AKAP3: variants seen among roughly 807,000 people sequenced by gnomAD.
AKAP3 encodes A-kinase anchoring protein 3, also known as A-kinase anchor protein 3.
A neutral mutation model predicts 57.2 loss-of-function variants in AKAP3; 27 were observed. That is an observed-to-expected ratio of 0.47 (90% CI 0.35 to 0.65). The LOEUF is 0.65. AKAP3 is among the 30% of genes least tolerant of loss of function. The pLI, the probability that AKAP3 is intolerant of heterozygous loss-of-function variation, is 0.01. For synonymous variants in AKAP3, 334 were observed against 392.3 expected (o/e 0.85, Z 1.76); for missense variants, 959 against 1,040.0 (o/e 0.92, Z 1.07).
chr12:4,615,910 A>C lies in AKAP3; in HGVS notation c.2407-16T>G. ...GCTGAAGTAGCTGTGAAAGGAAAGA[A>C]AACACCAGTGGTGAGGCACAGCATC... On this transcript the variant is annotated splice_polypyrimidine_tract_variant and intron_variant, in intron 5 of 5. Coordinates refer to ENST00000228850, the MANE Select transcript of AKAP3 (RefSeq NM_001278309.2). 2 of 1,614,116 alleles carry C rather than the reference A, an allele frequency of 1.2e-6. No individual in the cohort carries two copies. The highest frequency in any genetic ancestry group is 1.1e-5 in the South Asian group (1 of 91,058).
chr12:4,627,709 TG>T lies in AKAP3; in HGVS notation c.1192del (p.Gln398LysfsTer12). On this transcript the variant is annotated frameshift_variant, in exon 5 of 6. Transcript: ENST00000228850. LOFTEE classifies it high-confidence loss of function. ...GAGGGAATAACTCTCAGCCTTGTCT[TG>T]GGCTTTCCTGACATGCTCAGGGACT... ...KKVPEHVRKAQDKAESYSLIS... is the reference protein window; with the variant it reads ...KKVPEHVRKAXDKAESYSLIS... The T allele has an allele frequency of 1.2e-6, 2 of 1,614,154 alleles. No homozygotes were observed. The highest frequency in any genetic ancestry group is 1.7e-6 in the Non-Finnish European group (2 of 1,180,034).
Position 4,615,806 on chromosome 12 carries a change from TG to T in AKAP3, c.2494del (p.Gln832SerfsTer2). 6.2e-7 allele frequency: 1 copy of T among 1,614,218 alleles called. No individual in the cohort carries two copies. Among genetic ancestry groups the T allele is most frequent in the Non-Finnish European group, 8.5e-7 (1 of 1,180,032 alleles). On this transcript the variant is annotated frameshift_variant, in exon 6 of 6. Transcript: ENST00000228850. LOFTEE classifies it high-confidence loss of function. The stretch of plus-strand genomic sequence containing the variant: ...GACATTCCCCACCGCCTCATTCAGC[TG>T]GCGCTCCTTCTCATAGCGCAGCACC... Reference protein sequence around the residue: ...QSVLRYEKERQLNEAVGNVTP... With the variant: ...QSVLRYEKERXLNEAVGNVTP...
rs1310638824 is a variant in AKAP3, at chr12:4,625,848, G to A, written c.2406+648C>T. ...TCCAGACTCAAACCCTCCCTTTGGC[G>A]CGCAGTTCTGATGCTTACTGGGCAC... On this transcript the variant is annotated intron_variant, in intron 5 of 5. Coordinates refer to ENST00000228850, the MANE Select transcript of AKAP3 (RefSeq NM_001278309.2). This position sits in a 1 kb window ranked among gnomAD's most constrained non-coding sequence, Gnocchi z 5.4. 6.6e-6 allele frequency among the ~76,000 whole-genome samples: 1 copy of A among 152,084 alleles called. No homozygotes were observed. The highest frequency in any genetic ancestry group is 1.5e-5 in the Non-Finnish European group (1 of 68,016).
chr12:4,644,649 C>T (rs1945677080), intron 2 of AKAP3, among the ~76,000 whole-genome samples: 1 of 152,360 alleles, frequency 6.6e-6, no homozygotes, highest in South Asian at 2.1e-4. Context: ...TGGCGACTCA[C>T]ACCTGTAATC....
chr12:4,633,970 CTTTTTTT>C (rs59050368), intron 4 of AKAP3, among the ~76,000 whole-genome samples: 1 of 138,056 alleles, frequency 7.2e-6, no homozygotes, highest in African/African-American at 2.7e-5. Context: ...TATCTATATT[CTTTTTTT>C]TTTTTTTTTG....
In AKAP3 at chr12:4,632,801, C is replaced by T. The variant is rs375641487; in HGVS notation, c.97-3996G>A. Among the ~76,000 whole-genome samples the T allele has an allele frequency of 9.2e-5, 14 of 152,082 alleles. 1 individual carries two copies. In the East Asian group the frequency reaches 1.9e-3, roughly 21 times the overall value. ...GACTACAGGTGCCCGCCATCACGCC[C>T]GGCTAATTTTTTATATTTTTAGTAG... On this transcript the variant is annotated intron_variant, in intron 4 of 5. Coordinates refer to ENST00000228850, the MANE Select transcript of AKAP3 (RefSeq NM_001278309.2).
At chr12:4,638,492 C>T (rs1211563791) in intron 3 of AKAP3, among the ~76,000 whole-genome samples, 1 of 152,104 alleles carries the variant, frequency 6.6e-6, no homozygotes, top group Admixed American at 6.5e-5. Flanking sequence ...AGCCATGTCC[C>T]GCCCCTTTAT....
Position 4,626,965 on chromosome 12 carries a change from G to C in AKAP3, c.1937C>G (p.Thr646Ser), listed in dbSNP as rs771111003. Residue 646 changes from threonine to serine, a missense_variant, in exon 5 of 6, where the codon ACC (threonine) becomes AGC (serine). Coordinates refer to ENST00000228850, the MANE Select transcript of AKAP3 (RefSeq NM_001278309.2). ...GGTCAGCCCAGAAAGGGCACCAGGGGTCTCATCATCCTCATATAGCCTGGG... is the reference window on the plus strand; with the variant it reads ...GGTCAGCCCAGAAAGGGCACCAGGGCTCTCATCATCCTCATATAGCCTGGG... Reference protein sequence around the residue: ...SPPRLYEDDETPGALSGLTKM... With the variant: ...SPPRLYEDDESPGALSGLTKM... 6.2e-7 allele frequency: 1 copy of C among 1,613,988 alleles called. No individual in the cohort carries two copies. The highest frequency in any genetic ancestry group is 8.5e-7 in the Non-Finnish European group (1 of 1,180,032).
At chr12:4,644,418 T>C (rs146347787) in intron 2 of AKAP3, among the ~76,000 whole-genome samples, 13 of 152,316 alleles carry the variant, frequency 8.5e-5, no homozygotes, top group Admixed American at 1.3e-4. Flanking sequence ...CTAGGAAAAG[T>C]CAGTAGGTAG....
Position 4,628,251 on chromosome 12 carries a change from A to G in AKAP3, c.651T>C (p.Thr217=), listed in dbSNP as rs1945450699. 1 of 1,613,992 alleles carries G rather than the reference A, an allele frequency of 6.2e-7. No individual in the cohort carries two copies. Among genetic ancestry groups the G allele is most frequent in the African/African-American group, 1.3e-5 (1 of 74,904 alleles). Residue 217 remains threonine (T), a synonymous_variant, in exon 5 of 6, where the codon ACT becomes ACC. Transcript: ENST00000228850. ...QSPPNLKYKS[T]LKIKESTKER... is the part of the protein sequence containing the mutation. Reference sequence around the variant, plus strand: ...CTTTGGTGCTCTCCTTGATCTTCAAAGTGGACTTGTATTTCAAATTTGGGG... The same window carrying G: ...CTTTGGTGCTCTCCTTGATCTTCAAGGTGGACTTGTATTTCAAATTTGGGG...
chr12:4,620,221 G>T (rs1384039234), intron 5 of AKAP3, among the ~76,000 whole-genome samples: 1 of 152,120 alleles, frequency 6.6e-6, no homozygotes, highest in Non-Finnish European at 1.5e-5. Flanking sequence ...GCCAGACGCG[G>T]TGGCTCACGC....
In AKAP3 at chr12:4,626,778, C is replaced by G; in HGVS notation, c.2124G>C (p.Ser708=). The G allele has an allele frequency of 1.2e-6, 2 of 1,612,032 alleles. No individual in the cohort carries two copies. The highest frequency in any genetic ancestry group is 1.7e-6 in the Non-Finnish European group (2 of 1,179,892). ...DKSGDASRLT[S]AFPDSLYECL... ...ACTCATATAAACTATCTGGGAAGGC[C>G]GAAGTTAGCCTACTGGCATCTCCAG... is the stretch of plus-strand genomic sequence containing the variant. The change falls in exon 5 of 6, where the codon TCG becomes TCC. Residue 708 remains serine (S), a synonymous_variant. Transcript: ENST00000228850.
chr12:4,638,236 G>C, intron 3 of AKAP3, 40 bp from the exon 4 acceptor site: 1 of 1,394,726 alleles, frequency 7.2e-7, no homozygotes, highest in Admixed American at 1.9e-5. Context: ...GTCATCACAA[G>C]GGCAGATTTT....
intron 5 of AKAP3, among the ~76,000 whole-genome samples, chr12:4,619,988 G>A (rs112656424): frequency 1.3e-5 from 2 of 152,206 alleles, no homozygotes; most frequent in African/African-American, 4.8e-5. Flanking sequence ...AAAGGTTAAT[G>A]GTTGCCCATG....
At position 4,623,118 on chromosome 12, in the gene AKAP3, C is replaced by G. The variant is rs145817367; in HGVS notation, c.2406+3378G>C. Among the ~76,000 whole-genome samples the G allele has an allele frequency of 2.6e-5, 4 of 151,590 alleles. No individual in the cohort carries two copies. The East Asian group carries it at 7.7e-4, about 29-fold the overall frequency. ...GAATGGCTATTATTAAAAGTAATGGCAAGGATGTGGAGAAAAGGCAACACT... is the reference window on the plus strand; with the variant it reads ...GAATGGCTATTATTAAAAGTAATGGGAAGGATGTGGAGAAAAGGCAACACT... On this transcript the variant is annotated intron_variant, in intron 5 of 5. Coordinates refer to ENST00000228850, the MANE Select transcript of AKAP3 (RefSeq NM_001278309.2).
chr12:4,645,239 T>C (rs1200957277), intron 1 of AKAP3, 47 bp from the exon 2 acceptor site: 2 of 152,204 alleles, frequency 1.3e-5, no homozygotes, highest in Non-Finnish European at 2.9e-5. Context: ...ACTGTCTCTA[T>C]AGCAACAGTA....
rs753033294 is a variant in AKAP3, at chr12:4,628,151, C to T, written c.751G>A (p.Gly251Arg). ...CTTCCACCCTCTCTGGCATAATCTCCATTACGAGATTCAAACACTTCCTTA... is the reference window on the plus strand; with the variant it reads ...CTTCCACCCTCTCTGGCATAATCTCTATTACGAGATTCAAACACTTCCTTA... ...FYKEVFESRN[G>R]DYAREGGRFF... The change falls in exon 5 of 6, where the codon GGA becomes AGA. Residue 251 changes from glycine to arginine, a missense_variant. Coordinates refer to ENST00000228850, the MANE Select transcript of AKAP3 (RefSeq NM_001278309.2). 32 of 1,614,106 alleles carry T rather than the reference C, an allele frequency of 2.0e-5. No homozygotes were observed. The highest frequency in any genetic ancestry group is 2.6e-5 in the Non-Finnish European group (31 of 1,179,986).
chr12:4,622,549 T>C (rs572461119), intron 5 of AKAP3, among the ~76,000 whole-genome samples: 37 of 152,026 alleles, frequency 2.4e-4, no homozygotes, highest in Admixed American at 2.3e-3. Context: ...CCTAATTCAA[T>C]AGGTGCTGGG....
chr12:4,626,936 T>A lies in AKAP3; in HGVS notation c.1966A>T (p.Met656Leu). Reference sequence around the variant, plus strand: ...TGGCCATCTATCTGGCTGACAGCCATCTTGGTCAGCCCAGAAAGGGCACCA... The same window carrying A: ...TGGCCATCTATCTGGCTGACAGCCAACTTGGTCAGCCCAGAAAGGGCACCA... ...TPGALSGLTKMAVSQIDGHMS... is the reference protein window; with the variant it reads ...TPGALSGLTKLAVSQIDGHMS... Residue 656 changes from methionine to leucine, a missense_variant, in exon 5 of 6, where the codon ATG becomes TTG. Transcript: ENST00000228850. 2 of 1,614,134 alleles carry A rather than the reference T, an allele frequency of 1.2e-6. No individual in the cohort carries two copies. The highest frequency in any genetic ancestry group is 1.7e-6 in the Non-Finnish European group (2 of 1,180,022).
Sources: allele counts gnomAD v4.1 joint callset (sites outside exome capture counted in the v4.1 genomes callset), GRCh38; gene constraint gnomAD v4.1.1; non-coding constraint Gnocchi (gnomAD v3.1); transcripts MANE v1.5; gene names NCBI Gene and HGNC (gene_info 2026-07-23, HGNC 2026-07-21).